Variants in PCSK2 observed in about 807,000 individuals in gnomAD.
PCSK2 encodes neuroendocrine convertase 2.
PCSK2 carries 14 observed loss-of-function variants against 69.7 expected under a neutral mutation model. The observed-to-expected ratio is 0.20, with a 90% CI of 0.13 to 0.31. The LOEUF (loss-of-function observed/expected upper bound fraction) is 0.31, where lower values mean the gene tolerates loss of function less well. Ranked by LOEUF, PCSK2 falls within the 10% of genes least tolerant of loss-of-function variation. PCSK2 has a pLI of 1.00. For synonymous variants in PCSK2, 307 were observed against 320.7 expected (o/e 0.96, Z 0.46); for missense variants, 544 against 842.5 (o/e 0.65, Z 4.39).
intron 5 of PCSK2, among the ~76,000 whole-genome samples, chr20:17,388,070 A>G (rs2031282772): frequency 1.3e-5 from 2 of 152,196 alleles, no homozygotes; most frequent in African/African-American, 4.8e-5. Flanking sequence ...ACCCTGAGGC[A>G]GGAACATGCT....
intron 6 of PCSK2, among the ~76,000 whole-genome samples, chr20:17,423,399 CT>C (rs1600568460): frequency 6.6e-6 from 1 of 151,984 alleles, no homozygotes; most frequent in Admixed American, 6.5e-5. Flanking sequence ...GACCAGGGTT[CT>C]TTTTATGTAG....
rs750234336 is a variant in PCSK2 at position 17,268,031 on chromosome 20, G to GTATATATATATATATATA, written c.282+7688_282+7689insATATATATATATATATAT. Among the ~76,000 whole-genome samples, 236 of 117,850 alleles carry GTATATATATATATATATA rather than the reference G, an allele frequency of 2.0e-3. 5 individuals carry two copies. The highest frequency in any genetic ancestry group is 0.011 in the Middle Eastern group (2 of 188). The allele number at this position is 117,850 out of a possible 152,430, so 77.3% of individuals were successfully genotyped here. A position where few individuals can be genotyped will look rare whatever the true frequency, so the allele number is the denominator to read the frequency against. On this transcript the variant is annotated intron_variant, in intron 2 of 11. Transcript: ENST00000262545. Reference sequence around the variant, plus strand: ...AAGGAAATGCATTTATATATCCAATGTGTATATATATATATATATATATAT... The same window carrying GTATATATATATATATATA: ...AAGGAAATGCATTTATATATCCAATGTATATATATATATATATATGTATATATATATATATATATATAT...
In PCSK2 at chr20:17,409,781, CAGTA is replaced by C. The variant is rs746542352; in HGVS notation, c.620+446_620+449del. On this transcript the variant is annotated intron_variant, in intron 6 of 11. Coordinates refer to ENST00000262545, the MANE Select transcript of PCSK2 (RefSeq NM_002594.5). The stretch of plus-strand genomic sequence containing the variant: ...GCTCATGGAGTCCCTTTCAACAAAA[CAGTA>C]AGTGTGATTGGCAGAGGTTTGAAGT... 9.8e-5 allele frequency among the ~76,000 whole-genome samples: 15 copies of C among 152,294 alleles called. No individual in the cohort carries two copies. The East Asian group carries it at 2.5e-3, about 26-fold the overall frequency.
chr20:17,379,172 C>T (rs1243011719), intron 5 of PCSK2, among the ~76,000 whole-genome samples: 2 of 152,188 alleles, frequency 1.3e-5, no homozygotes, highest in African/African-American at 4.8e-5. Flanking sequence ...CAGGCCTGAC[C>T]AGATTTCTGA....
chr20:17,323,491 T>C lies in PCSK2; in HGVS notation c.283-34836T>C, dbSNP rs1600491251. 2.0e-5 allele frequency among the ~76,000 whole-genome samples: 3 copies of C among 152,326 alleles called. No homozygotes were observed. In the South Asian group the frequency reaches 6.2e-4, roughly 32 times the overall value. ...TAATATAATCGGTTCACAGTCATCT[T>C]TTTGGTACTTCCAGAAACAGGAGAT... On this transcript the variant is annotated intron_variant, in intron 2 of 11. Transcript: ENST00000262545.
chr20:17,324,223 T>C (rs1025433403), intron 2 of PCSK2, among the ~76,000 whole-genome samples: 69 of 152,286 alleles, frequency 4.5e-4, no homozygotes, highest in African/African-American at 1.7e-3. Context: ...GTCTTTGTCT[T>C]GGGGTCTTCT....
At chr20:17,441,073 C>T (rs559048841) in intron 8 of PCSK2, among the ~76,000 whole-genome samples, 4 of 152,248 alleles carry the variant, frequency 2.6e-5, no homozygotes, top group East Asian at 3.9e-4. Context: ...TTCGTGGCTC[C>T]GGCTCTCCAA....
rs59237096 is a variant in PCSK2, at chr20:17,325,709, C to T, written c.283-32618C>T. Among the ~76,000 whole-genome samples, 642 of 152,376 alleles carry T rather than the reference C, an allele frequency of 4.2e-3. 9 individuals are homozygous for T. The highest frequency in any genetic ancestry group is 0.014 in the African/African-American group (576 of 41,598). ...CTCAGCAGAAAGCGACAATGCTCCACGTGCCTCTCATCTTTCTTAACTACT... is the reference window on the plus strand; with the variant it reads ...CTCAGCAGAAAGCGACAATGCTCCATGTGCCTCTCATCTTTCTTAACTACT... On this transcript the variant is annotated intron_variant, in intron 2 of 11. Coordinates refer to ENST00000262545, the MANE Select transcript of PCSK2 (RefSeq NM_002594.5).
chr20:17,360,281 G>A (rs1287450064), intron 3 of PCSK2, among the ~76,000 whole-genome samples: 1 of 151,158 alleles, frequency 6.6e-6, no homozygotes, highest in Non-Finnish European at 1.5e-5. Flanking sequence ...GATATTAGGG[G>A]ATTGAAACTA....
chr20:17,302,272 T>C (rs952194000), intron 2 of PCSK2, among the ~76,000 whole-genome samples: 1 of 152,148 alleles, frequency 6.6e-6, no homozygotes, highest in African/African-American at 2.4e-5. Flanking sequence ...CACCAACCCA[T>C]GTCAGTTTCT....
At chr20:17,375,113 C>G (rs2030886054) in intron 5 of PCSK2, among the ~76,000 whole-genome samples, 1 of 152,126 alleles carries the variant, frequency 6.6e-6, no homozygotes, top group South Asian at 2.1e-4. Context: ...CGTATCAGGC[C>G]TGGCACATAA....
intron 5 of PCSK2, among the ~76,000 whole-genome samples, chr20:17,395,972 C>T (rs1174644715): frequency 6.6e-6 from 1 of 152,148 alleles, no homozygotes; most frequent in African/African-American, 2.4e-5. Flanking sequence ...CTCAGGACAT[C>T]TGGACTCAAA....
chr20:17,345,572 T>G (rs1219504857), intron 2 of PCSK2, among the ~76,000 whole-genome samples: 2 of 152,112 alleles, frequency 1.3e-5, no homozygotes, highest in East Asian at 3.9e-4. Flanking sequence ...TCCAAAAAAT[T>G]TATTTACAAA....
At chr20:17,388,080 T>C (rs1172831380) in intron 5 of PCSK2, among the ~76,000 whole-genome samples, 1 of 152,100 alleles carries the variant, frequency 6.6e-6, no homozygotes, top group African/African-American at 2.4e-5. Flanking sequence ...AGGAACATGC[T>C]CAGCCCTTTC....
chr20:17,477,086 A>G (rs2033304038), intron 11 of PCSK2, among the ~76,000 whole-genome samples: 1 of 152,340 alleles, frequency 6.6e-6, no homozygotes, highest in Admixed American at 6.5e-5. Context: ...AATGAACTGC[A>G]CTGTATGTTT....
intron 8 of PCSK2, among the ~76,000 whole-genome samples, chr20:17,442,074 A>G (rs888639030): frequency 2.6e-5 from 4 of 151,592 alleles, no homozygotes; most frequent in African/African-American, 9.7e-5. Context: ...CAGGGAGAAC[A>G]GCATGTGAAG....
intron 2 of PCSK2, among the ~76,000 whole-genome samples, chr20:17,290,626 C>A (rs893449158): frequency 2.6e-5 from 4 of 152,182 alleles, no homozygotes; most frequent in Admixed American, 2.6e-4. Flanking sequence ...GTCTGATATT[C>A]CATAAGCCTT....
intron 8 of PCSK2, among the ~76,000 whole-genome samples, chr20:17,451,149 G>A (rs1041209746): frequency 2.0e-5 from 3 of 152,154 alleles, no homozygotes; most frequent in Non-Finnish European, 2.9e-5. Context: ...CCTAGAAAAC[G>A]AAGCATTCTT....
At chr20:17,373,751 C>T (rs1283835538) in intron 5 of PCSK2, among the ~76,000 whole-genome samples, 1 of 152,178 alleles carries the variant, frequency 6.6e-6, no homozygotes, top group Non-Finnish European at 1.5e-5. Flanking sequence ...ACAGCATATG[C>T]TGGTAGTCCA....
Sources: allele counts gnomAD v4.1 joint callset (sites outside exome capture counted in the v4.1 genomes callset), GRCh38; gene constraint gnomAD v4.1.1; transcripts MANE v1.5; gene names NCBI Gene and HGNC (gene_info 2026-07-23, HGNC 2026-07-21).